Variants in RAPH1 observed in about 807,000 individuals in gnomAD.
RAPH1 encodes ras-associated and pleckstrin homology domains-containing protein 1.
RAPH1 carries 18 observed loss-of-function variants against 88.1 expected under a neutral mutation model. The ratio of observed to expected loss-of-function variants is 0.20; its 90% CI spans 0.14 to 0.30. RAPH1 has a LOEUF of 0.30. Among genes scored for constraint, RAPH1 ranks in the 10% least tolerant of loss-of-function variants. The probability of loss-of-function intolerance (pLI) is 1.00; values close to 1 mark genes in which losing one functional copy is unlikely to be tolerated. For missense variants in RAPH1, 1,448 were observed against 1,543.2 expected, an observed-to-expected ratio of 0.94 and a Z score of 1.03; for synonymous variants, 587 against 559.0, an observed-to-expected ratio of 1.05 and a Z score of -0.71.
chr2:203,522,051 C>G (rs1689901374), intron 1 of RAPH1, among the ~76,000 whole-genome samples: 1 of 152,164 alleles, frequency 6.6e-6, no homozygotes, highest in South Asian at 2.1e-4. Flanking sequence ...TACTTTACAT[C>G]TGATTCTAAA....
intron 1 of RAPH1, among the ~76,000 whole-genome samples, chr2:203,511,600 C>T (rs1162325949): frequency 6.6e-6 from 1 of 152,164 alleles, no homozygotes; most frequent in Non-Finnish European, 1.5e-5. Context: ...ATTATCGGTA[C>T]ATTTGTCACA....
chr2:203,494,639 T>A (rs1342725477), intron 2 of RAPH1, among the ~76,000 whole-genome samples: 1 of 151,756 alleles, frequency 6.6e-6, no homozygotes, highest in African/African-American at 2.4e-5. Flanking sequence ...AAACCCCGTC[T>A]CTACTAAAAA....
At chr2:203,481,185 G>A (rs776817841) in intron 4 of RAPH1, among the ~76,000 whole-genome samples, 4 of 151,842 alleles carry the variant, frequency 2.6e-5, no homozygotes, top group Non-Finnish European at 1.5e-5. Context: ...ATCTAGGTCC[G>A]GCTCTGAGAG....
chr2:203,498,227 C>T (rs927029290), intron 1 of RAPH1, among the ~76,000 whole-genome samples: 3 of 152,114 alleles, frequency 2.0e-5, no homozygotes, highest in Non-Finnish European at 4.4e-5. Context: ...TCACTATTGG[C>T]AGAAACAGCA....
chr2:203,481,512 A>T (rs1052350202), intron 4 of RAPH1, among the ~76,000 whole-genome samples: 1 of 151,096 alleles, frequency 6.6e-6, no homozygotes, highest in Non-Finnish European at 1.5e-5. Flanking sequence ...AAATCTGTAA[A>T]TGTTTTTAAA....
intron 8 of RAPH1, 77 bp from the exon 9 acceptor site, chr2:203,455,657 T>C: frequency 7.3e-7 from 1 of 1,361,954 alleles, no homozygotes; most frequent in Non-Finnish European, 1.0e-6. Flanking sequence ...TCCTGTGAAA[T>C]GCATGACAGT....
intron 4 of RAPH1, among the ~76,000 whole-genome samples, chr2:203,475,984 T>C (rs1687420786): frequency 6.6e-6 from 1 of 152,140 alleles, no homozygotes; most frequent in Non-Finnish European, 1.5e-5. Context: ...GGTTATATTA[T>C]TTACAAATTT....
At chr2:203,517,758 TTAAA>T (rs1278501704) in intron 1 of RAPH1, among the ~76,000 whole-genome samples, 4 of 151,994 alleles carry the variant, frequency 2.6e-5, no homozygotes, top group African/African-American at 2.4e-5. Flanking sequence ...CAACAACCTC[TTAAA>T]TAACACCTGG....
Position 203,461,248 on chromosome 2 carries a change from C to T in RAPH1, c.970+1G>A, listed in dbSNP as rs2098523998. 6.4e-7 allele frequency: 1 copy of T among 1,567,018 alleles called. No homozygotes were observed. The highest frequency in any genetic ancestry group is 1.4e-5 in the African/African-American group (1 of 73,332). ...GCAATTAAAGCAATGATATTACTAA[C>T]CCATTTGTAATTCAGAAACGGTTTC... is the stretch of plus-strand genomic sequence containing the variant. On this transcript the variant is annotated splice_donor_variant, in intron 6 of 13. Transcript: ENST00000319170. LOFTEE classifies it high-confidence loss of function.
chr2:203,442,334 G>T, intron 13 of RAPH1: 1 of 334,488 alleles, frequency 3.0e-6, no homozygotes, highest in Non-Finnish European at 5.4e-6. Flanking sequence ...AGGAAAGGAA[G>T]GACCCTTGTT....
At chr2:203,497,779 G>T (rs575884644) in intron 1 of RAPH1, among the ~76,000 whole-genome samples, 1 of 152,092 alleles carries the variant, frequency 6.6e-6, no homozygotes, top group Non-Finnish European at 1.5e-5. Flanking sequence ...TTCTTAAGAA[G>T]ATTTGGTTTT....
intron 1 of RAPH1, among the ~76,000 whole-genome samples, chr2:203,518,998 C>T (rs2105956688): frequency 6.6e-6 from 1 of 152,284 alleles, no homozygotes; most frequent in South Asian, 2.1e-4. Context: ...TAAAGAAACT[C>T]CATCAATAAT....
intron 1 of RAPH1, among the ~76,000 whole-genome samples, chr2:203,525,252 C>G (rs755602577): frequency 6.6e-6 from 1 of 152,190 alleles, no homozygotes; most frequent in Non-Finnish European, 1.5e-5. Context: ...ATGGCACAAT[C>G]TTGGCTCACT....
At chr2:203,441,633 A>G (rs55881728) in intron 13 of RAPH1, 736,258 of 1,337,748 alleles carry the variant, frequency 0.55, 208,813 homozygotes, top group Middle Eastern at 0.65. Context: ...TTTACCCCAC[A>G]GTAAAATAGC....
In RAPH1 at chr2:203,489,857, C is replaced by G; in HGVS notation, c.459G>C (p.Leu153Phe). ...IAKPSHASYS[L>F]DDVTAQLEQA... is the part of the protein sequence containing the mutation. ...GTTCTAACTGTGCAGTGACGTCGTCCAAGGAGTAGCTGGCATGGGAAGGTT... is the reference window on the plus strand; with the variant it reads ...GTTCTAACTGTGCAGTGACGTCGTCGAAGGAGTAGCTGGCATGGGAAGGTT... The change falls in exon 4 of 14, where the codon TTG becomes TTC. Residue 153 changes from leucine (L) to phenylalanine (F), a missense_variant. By Grantham distance (22) the Leu-to-Phe change is conservative. Transcript: ENST00000319170. The G allele has an allele frequency of 6.2e-7, 1 of 1,614,216 alleles. No homozygotes were observed. The highest frequency in any genetic ancestry group is 8.5e-7 in the Non-Finnish European group (1 of 1,180,032).
chr2:203,525,755 C>T (rs1487355185), intron 1 of RAPH1, among the ~76,000 whole-genome samples: 1 of 152,064 alleles, frequency 6.6e-6, no homozygotes, highest in African/African-American at 2.4e-5. Context: ...CCAGCCTGGG[C>T]AACAGAGTGA....
intron 4 of RAPH1, among the ~76,000 whole-genome samples, chr2:203,469,404 T>C (rs903651154): frequency 2.6e-5 from 4 of 152,220 alleles, no homozygotes; most frequent in African/African-American, 9.6e-5. Context: ...GAGCTGCTTC[T>C]TGGGCAGATT....
chr2:203,499,283 A>G (rs1419075559), intron 1 of RAPH1, among the ~76,000 whole-genome samples: 1 of 152,232 alleles, frequency 6.6e-6, no homozygotes, highest in Non-Finnish European at 1.5e-5. Flanking sequence ...AAATATCGCT[A>G]GAGAACATGA....
At chr2:203,507,813 T>C (rs1005058425) in intron 1 of RAPH1, among the ~76,000 whole-genome samples, 4 of 152,152 alleles carry the variant, frequency 2.6e-5, no homozygotes, top group Non-Finnish European at 5.9e-5. Flanking sequence ...GTTGGAACAG[T>C]TGACAAAATA....
Sources: gnomAD v4.1 joint callset for allele counts (sites outside exome capture counted in the v4.1 genomes callset) on GRCh38, gnomAD v4.1.1 for gene constraint, MANE v1.5 for transcripts, NCBI Gene and HGNC (gene_info 2026-07-23, HGNC 2026-07-21) for gene names.